Variants in PCDH9 observed in about 807,000 individuals in gnomAD.
PCDH9 encodes protocadherin-9.
PCDH9 carries 24 observed loss-of-function variants against 70.6 expected under a neutral mutation model. The ratio of observed to expected loss-of-function variants is 0.34; its 90% confidence interval spans 0.25 to 0.48. The LOEUF is 0.48. PCDH9 is among the 20% of genes least tolerant of loss of function. The probability of loss-of-function intolerance (pLI) is 0.99; values close to 1 mark genes in which losing one functional copy is unlikely to be tolerated. For synonymous variants in PCDH9, 562 were observed against 558.5 expected, an observed-to-expected ratio of 1.01 and a Z score of -0.09; for missense variants, 1,281 against 1,503.6, an observed-to-expected ratio of 0.85 and a Z score of 2.45.
intron 2 of PCDH9, among the ~76,000 whole-genome samples, chr13:67,108,403 C>T (rs1337673011): frequency 1.3e-5 from 2 of 152,074 alleles, no homozygotes; most frequent in African/African-American, 4.8e-5. Context: ...AAAGAGTATT[C>T]ATACTAATGT....
chr13:67,029,114 T>C (rs1233541220), intron 2 of PCDH9, among the ~76,000 whole-genome samples: 2 of 152,172 alleles, frequency 1.3e-5, no homozygotes, highest in Non-Finnish European at 2.9e-5. Flanking sequence ...AAGGAACTCA[T>C]AAGCAGGCCA....
At chr13:66,729,592 CT>C (rs964304065) in intron 3 of PCDH9, among the ~76,000 whole-genome samples, 17 of 152,038 alleles carry the variant, frequency 1.1e-4, no homozygotes, top group African/African-American at 3.9e-4. Flanking sequence ...GCTGTCTACC[CT>C]CATCCCCAAC....
At chr13:66,412,453 C>T (rs995769275) in intron 4 of PCDH9, among the ~76,000 whole-genome samples, 17 of 152,130 alleles carry the variant, frequency 1.1e-4, no homozygotes, top group South Asian at 4.1e-4. Context: ...CAAGGACAGA[C>T]GGATTTTTCT....
chr13:66,934,630 T>C (rs1363236402), intron 2 of PCDH9, among the ~76,000 whole-genome samples: 3 of 150,208 alleles, frequency 2.0e-5, no homozygotes, highest in African/African-American at 7.3e-5. Flanking sequence ...AGAATAGTTG[T>C]ATGCTGAGGA....
At chr13:66,512,242 A>G (rs970335942) in intron 4 of PCDH9, among the ~76,000 whole-genome samples, 17 of 150,540 alleles carry the variant, frequency 1.1e-4, no homozygotes, top group African/African-American at 4.1e-4. Flanking sequence ...ATACAAAAAA[A>G]TTAATATATC....
intron 2 of PCDH9, among the ~76,000 whole-genome samples, chr13:66,979,691 A>G (rs905343605): frequency 2.0e-5 from 3 of 152,128 alleles, no homozygotes; most frequent in Non-Finnish European, 2.9e-5. Flanking sequence ...ACAGCCACCT[A>G]TTCTGATCAT....
At chr13:66,638,121 C>T (rs192016890) in intron 3 of PCDH9, among the ~76,000 whole-genome samples, 2 of 152,136 alleles carry the variant, frequency 1.3e-5, no homozygotes, top group Admixed American at 1.3e-4. Context: ...ATTCTAGACA[C>T]TACTCGAGCT....
intron 2 of PCDH9, among the ~76,000 whole-genome samples, chr13:67,137,687 A>G (rs772091728): frequency 2.0e-5 from 3 of 152,234 alleles, no homozygotes; most frequent in Middle Eastern, 3.4e-3. Flanking sequence ...AGAGTCTGCT[A>G]AAGCTACTAA....
At chr13:66,314,364 A>G (rs1159068324) in intron 4 of PCDH9, among the ~76,000 whole-genome samples, 1 of 152,172 alleles carries the variant, frequency 6.6e-6, no homozygotes, top group Non-Finnish European at 1.5e-5. Context: ...TAAGTCCAAG[A>G]TCCATCAAGC....
Position 67,115,130 on chromosome 13 carries a change from T to C in PCDH9, c.3036+110275A>G, listed in dbSNP as rs909811058. ...ACCACACGCTAATCTCCCAATGCTA[T>C]AGAATCCATTAACTATAGGTAAATG... On this transcript the variant is annotated intron_variant, in intron 2 of 4. Transcript: ENST00000377865. Among the ~76,000 whole-genome samples, 11 of 152,366 alleles carry C rather than the reference T, an allele frequency of 7.2e-5. No homozygotes were observed. In the South Asian group the frequency reaches 1.7e-3, roughly 23 times the overall value.
intron 3 of PCDH9, among the ~76,000 whole-genome samples, chr13:66,761,841 A>G (rs111877156): frequency 8.6e-5 from 13 of 151,988 alleles, no homozygotes; most frequent in African/African-American, 2.9e-4. Context: ...CATTATTTTG[A>G]ATTTATTATC....
intron 4 of PCDH9, among the ~76,000 whole-genome samples, chr13:66,554,505 T>C (rs1961638176): frequency 6.6e-6 from 1 of 152,130 alleles, no homozygotes; most frequent in South Asian, 2.1e-4. Flanking sequence ...TAGCTAGATA[T>C]ATAAATATAC....
At chr13:66,349,757 T>C (rs1406240709) in intron 4 of PCDH9, among the ~76,000 whole-genome samples, 2 of 152,116 alleles carry the variant, frequency 1.3e-5, no homozygotes, top group Non-Finnish European at 2.9e-5. Context: ...AAGGAAAATG[T>C]CAGATACCAG....
At chr13:66,974,110 A>G (rs1198261802) in intron 2 of PCDH9, among the ~76,000 whole-genome samples, 1 of 151,950 alleles carries the variant, frequency 6.6e-6, no homozygotes, top group African/African-American at 2.4e-5. Context: ...CATGACCACA[A>G]TGACCTTCGT....
At chr13:67,088,965 A>T (rs2086163251) in intron 2 of PCDH9, among the ~76,000 whole-genome samples, 1 of 152,050 alleles carries the variant, frequency 6.6e-6, no homozygotes, top group Non-Finnish European at 1.5e-5. Context: ...TAGAAAGATG[A>T]CAGAATTTGA....
chr13:66,649,489 TAAAG>T (rs2077819674), intron 3 of PCDH9, among the ~76,000 whole-genome samples: 1 of 151,748 alleles, frequency 6.6e-6, no homozygotes, highest in African/African-American at 2.4e-5. Flanking sequence ...GAAGGACAAA[TAAAG>T]AGTTTCCCAG....
rs1329397439 is a variant in PCDH9, at chr13:67,052,556, G to GA, written c.3037-148952dup. Among the ~76,000 whole-genome samples, 66 of 148,088 alleles carry GA rather than the reference G, an allele frequency of 4.5e-4. No individual in the cohort carries two copies. In the South Asian group the frequency reaches 4.9e-3, roughly 11 times the overall value. On this transcript the variant is annotated intron_variant, in intron 2 of 4. Coordinates refer to ENST00000377865, the MANE Select transcript of PCDH9 (RefSeq NM_203487.3). ...ATAGAAGATCAATCTAGCAGCAGCTGAAAAAAAAAATCACAACTGTAGGTT... is the reference window on the plus strand; with the variant it reads ...ATAGAAGATCAATCTAGCAGCAGCTGAAAAAAAAAAATCACAACTGTAGGTT...
intron 3 of PCDH9, among the ~76,000 whole-genome samples, chr13:66,870,573 C>T (rs966641466): frequency 4.5e-4 from 68 of 152,136 alleles, no homozygotes; most frequent in African/African-American, 1.6e-3. Flanking sequence ...AAAAAGTGGG[C>T]AAAGGACATG....
intron 3 of PCDH9, among the ~76,000 whole-genome samples, chr13:66,644,316 C>T (rs9540848): frequency 0.11 from 14,648 of 136,166 alleles, 749 homozygotes; most frequent in East Asian, 0.13. Context: ...TCATATGTAA[C>T]AGATGCTACA....
Sources: allele counts gnomAD v4.1 joint callset (sites outside exome capture counted in the v4.1 genomes callset), GRCh38; gene constraint gnomAD v4.1.1; transcripts MANE v1.5; gene names NCBI Gene and HGNC (gene_info 2026-07-23, HGNC 2026-07-21).